The following TENM4 variants were observed in gnomAD, a reference collection of about 807,000 sequenced individuals.
TENM4 encodes teneurin transmembrane protein 4, also known as teneurin-4.
In TENM4, 82 loss-of-function variants were observed where a neutral mutation model predicts 243.3. The observed-to-expected ratio is 0.34, with a 90% CI of 0.28 to 0.40. TENM4 has a LOEUF of 0.40. Ranked by LOEUF, TENM4 falls within the 10% of genes least tolerant of loss-of-function variation. TENM4 has a pLI of 1.00. For synonymous variants in TENM4, 1,412 were observed against 1,456.3 expected, an observed-to-expected ratio of 0.97 and a Z score of 0.69; for missense variants, 3,138 against 3,673.3, an observed-to-expected ratio of 0.85 and a Z score of 3.77.
intron 12 of TENM4, among the ~76,000 whole-genome samples, chr11:78,835,689 A>AT: frequency 6.6e-6 from 1 of 152,060 alleles, no homozygotes; most frequent in Non-Finnish European, 1.5e-5. Flanking sequence ...TCTCTATCCA[A>AT]TTTTTTGAGG....
At chr11:79,193,851 G>T (rs925392377) in intron 3 of TENM4, among the ~76,000 whole-genome samples, 2 of 152,196 alleles carry the variant, frequency 1.3e-5, no homozygotes, top group South Asian at 4.1e-4. Flanking sequence ...TTCAGGAGGG[G>T]TATGAAGGAT....
At chr11:78,881,909 CTA>C (rs1855440113) in intron 9 of TENM4, among the ~76,000 whole-genome samples, 1 of 152,138 alleles carries the variant, frequency 6.6e-6, no homozygotes, top group Non-Finnish European at 1.5e-5. Context: ...TGAGAACAAC[CTA>C]TATATATCTT....
In TENM4 at chr11:78,891,445, A is replaced by G. The variant is rs371171524; in HGVS notation, c.750-109T>C. On this transcript the variant is annotated intron_variant, in intron 7 of 33. Transcript: ENST00000278550. ...TTGGTGCAGCTGTGTGCGTAAGACC[A>G]GCGGGACACGGTTTCCAGGCAATGG... 2.8e-4 allele frequency: 272 copies of G among 972,484 alleles called. 1 individual carries two copies. The South Asian group carries it at 3.9e-3, about 14-fold the overall frequency. The allele number at this position is 972,484 out of a possible 1,614,324, so 60.2% of individuals were successfully genotyped here.
At chr11:79,352,505 G>A (rs1213410678) in intron 1 of TENM4, among the ~76,000 whole-genome samples, 4 of 152,202 alleles carry the variant, frequency 2.6e-5, no homozygotes, top group South Asian at 4.1e-4. Flanking sequence ...GACATCGTGG[G>A]AACAGAGAGA....
At chr11:79,202,590 G>A (rs767416823) in intron 3 of TENM4, among the ~76,000 whole-genome samples, 7 of 152,298 alleles carry the variant, frequency 4.6e-5, no homozygotes, top group Admixed American at 6.5e-5. Context: ...TTTGTTTGGC[G>A]GTGGCTTGTT....
chr11:79,020,235 G>T (rs1858892699), intron 6 of TENM4, among the ~76,000 whole-genome samples: 1 of 152,176 alleles, frequency 6.6e-6, no homozygotes, highest in Admixed American at 6.5e-5. Flanking sequence ...GCTGGGACCA[G>T]CCTTAGCCAT....
At chr11:79,363,403 TTA>T (rs1295493428) in intron 1 of TENM4, among the ~76,000 whole-genome samples, 4 of 152,258 alleles carry the variant, frequency 2.6e-5, no homozygotes, top group Non-Finnish European at 5.9e-5. Context: ...AGGTATTACA[TTA>T]TCAGAAAATA....
In TENM4 at chr11:78,880,457, T is replaced by TAAAAA. The variant is rs71763484; in HGVS notation, c.1084+9323_1084+9327dup. On this transcript the variant is annotated intron_variant, in intron 9 of 33. Coordinates refer to ENST00000278550, the MANE Select transcript of TENM4 (RefSeq NM_001098816.3). The stretch of plus-strand genomic sequence containing the variant: ...ACACCCAAGAATGATCAATAAATAC[T>TAAAAA]AAAAAAAAAAAAAAAAAAAAAAAAA... 6.0e-4 allele frequency among the ~76,000 whole-genome samples: 63 copies of TAAAAA among 104,568 alleles called. 1 individual carries two copies. Among genetic ancestry groups the TAAAAA allele is most frequent in the African/African-American group, 2.7e-3 (39 of 14,692 alleles). The allele number at this position is 104,568 out of a possible 152,430, so 68.6% of individuals were successfully genotyped here.
chr11:78,881,718 C>A (rs1232073082), intron 9 of TENM4, among the ~76,000 whole-genome samples: 1 of 152,212 alleles, frequency 6.6e-6, no homozygotes, highest in Non-Finnish European at 1.5e-5. Flanking sequence ...CTGTCAAACT[C>A]TTCTATCATG....
intron 15 of TENM4, among the ~76,000 whole-genome samples, chr11:78,787,437 C>T (rs1393241208): frequency 1.3e-5 from 2 of 152,140 alleles, no homozygotes; most frequent in South Asian, 2.1e-4. Context: ...CAAAGGGGAC[C>T]GGCATTCTGA....
chr11:78,823,311 C>T (rs1021576787), intron 12 of TENM4, among the ~76,000 whole-genome samples: 1 of 152,232 alleles, frequency 6.6e-6, no homozygotes, highest in African/African-American at 2.4e-5. Flanking sequence ...CGCCCCGTTC[C>T]CACTGCCCAC....
chr11:79,318,652 C>T (rs968759471), intron 1 of TENM4, among the ~76,000 whole-genome samples: 2 of 152,158 alleles, frequency 1.3e-5, no homozygotes, highest in Non-Finnish European at 2.9e-5. Context: ...AAATAGACAT[C>T]AGTAACCTCT....
chr11:79,164,120 CT>C lies in TENM4; in HGVS notation c.-162-15315del, dbSNP rs1315911248. ...ATATAGTATATATACACTATATATACTATGTATATATAGTATATATGTATAT... is the reference window on the plus strand; with the variant it reads ...ATATAGTATATATACACTATATATACATGTATATATAGTATATATGTATAT... On this transcript the variant is annotated intron_variant, in intron 3 of 33. Transcript: ENST00000278550. Among the ~76,000 whole-genome samples, 19 of 69,846 alleles carry C rather than the reference CT, an allele frequency of 2.7e-4. No homozygotes were observed. The South Asian group carries it at 3.3e-3, about 12-fold the overall frequency. 45.8% of individuals were successfully genotyped at this position (69,846 alleles called of 152,430 possible).
At chr11:78,816,994 G>A (rs1019806139) in intron 12 of TENM4, among the ~76,000 whole-genome samples, 2 of 152,174 alleles carry the variant, frequency 1.3e-5, no homozygotes, top group Non-Finnish European at 2.9e-5. Flanking sequence ...AGGCAATGGT[G>A]GAGATGATTC....
At chr11:79,321,464 C>T (rs1856887533) in intron 1 of TENM4, among the ~76,000 whole-genome samples, 2 of 151,998 alleles carry the variant, frequency 1.3e-5, no homozygotes, top group South Asian at 4.1e-4. Flanking sequence ...AATGATTCAT[C>T]TGAAAAGGTG....
At chr11:79,423,206 C>T (rs1481063508) in intron 1 of TENM4, among the ~76,000 whole-genome samples, 1 of 152,190 alleles carries the variant, frequency 6.6e-6, no homozygotes, top group Non-Finnish European at 1.5e-5. Flanking sequence ...ATTGACTAAG[C>T]ACCTACCATG....
Position 78,826,812 on chromosome 11 carries a change from C to CA in TENM4, c.1682-12418dup, listed in dbSNP as rs199672645. Among the ~76,000 whole-genome samples the CA allele has an allele frequency of 4.3e-3, 647 of 151,496 alleles. 6 individuals carry two copies. Among genetic ancestry groups the CA allele is most frequent in the African/African-American group, 0.015 (616 of 41,338 alleles). On this transcript the variant is annotated intron_variant, in intron 12 of 33. Coordinates refer to ENST00000278550, the MANE Select transcript of TENM4 (RefSeq NM_001098816.3). Reference sequence around the variant, plus strand: ...TTCGATACTTAGAACTTGTTAAATACAAAAAAAAAGTTTTTAAATTGGAAG... The same window carrying CA: ...TTCGATACTTAGAACTTGTTAAATACAAAAAAAAAAGTTTTTAAATTGGAAG...
intron 12 of TENM4, among the ~76,000 whole-genome samples, chr11:78,850,364 G>A (rs1858507309): frequency 6.6e-6 from 1 of 152,152 alleles, no homozygotes; most frequent in African/African-American, 2.4e-5. Context: ...TTCTAGATCT[G>A]CATTTTGACA....
At chr11:78,909,254 T>G (rs1856128614) in intron 6 of TENM4, among the ~76,000 whole-genome samples, 1 of 152,216 alleles carries the variant, frequency 6.6e-6, no homozygotes, top group African/African-American at 2.4e-5. Flanking sequence ...CACATCAGCA[T>G]CATCATCGCA....
Sources: allele counts gnomAD v4.1 joint callset (sites outside exome capture counted in the v4.1 genomes callset), GRCh38; gene constraint gnomAD v4.1.1; transcripts MANE v1.5; gene names NCBI Gene and HGNC (gene_info 2026-07-23, HGNC 2026-07-21).